Variants in SMG9 observed in about 807,000 individuals in gnomAD.
SMG9 encodes nonsense-mediated mRNA decay factor SMG9.
SMG9 carries 55 observed loss-of-function variants against 64.0 expected under a neutral mutation model. That is an observed-to-expected ratio of 0.86 (90% CI 0.69 to 1.08). The LOEUF is 1.08. Ranked by LOEUF, SMG9 falls within the 50% of genes least tolerant of loss-of-function variation. The pLI, the probability that SMG9 is intolerant of heterozygous loss-of-function variation, is 0.00. For missense variants in SMG9, 554 were observed against 681.3 expected (o/e 0.81, Z 2.08); for synonymous variants, 244 against 254.8 (o/e 0.96, Z 0.41).
rs952429124 is a variant in SMG9 at position 43,729,431 on chromosome 19, C to G, written c.*2165G>C. 6.6e-6 allele frequency: 1 copy of G among 152,364 alleles called. No individual in the cohort carries two copies. Among genetic ancestry groups the G allele is most frequent in the African/African-American group, 2.4e-5 (1 of 41,456 alleles). The allele number at this position is 152,364 out of a possible 1,614,324, so 9.4% of individuals were successfully genotyped here. A position where few individuals can be genotyped will look rare whatever the true frequency, so the allele number is the denominator to read the frequency against. On this transcript the variant is annotated 3_prime_UTR_variant, in exon 14 of 14. Coordinates refer to ENST00000270066, the MANE Select transcript of SMG9 (RefSeq NM_019108.4). ...GTGAATCCAATCAACAATCTCAGCC[C>G]TGAGCTGGGCCAGCAGGAGGTGGTA...
intron 9 of SMG9, among the ~76,000 whole-genome samples, chr19:43,734,982 T>C (rs1021501410): frequency 2.0e-5 from 3 of 152,200 alleles, no homozygotes; most frequent in Non-Finnish European, 2.9e-5. Flanking sequence ...TGTCTGCCAT[T>C]ATAGCATCAC....
At chr19:43,750,147 C>G in intron 2 of SMG9, 1 of 521,490 alleles carries the variant, frequency 1.9e-6, no homozygotes, top group Non-Finnish European at 3.8e-6. Context: ...CAGTGAAATA[C>G]AAAGTTCTTT....
At position 43,733,715 on chromosome 19, in the gene SMG9, G is replaced by A. The variant is rs1968562610; in HGVS notation, c.1121C>T (p.Ala374Val). 6.2e-7 allele frequency: 1 copy of A among 1,614,026 alleles called. No homozygotes were observed. The highest frequency in any genetic ancestry group is 1.7e-5 in the Admixed American group (1 of 59,996). ...CCGAGGACAGAAGTCCTCTCGGCGA[G>A]CTTTGTTCTGCAAGAAGACTGAGGG... The part of the protein sequence containing the change: ...YPHLVFLQNK[A>V]RREDFCPRKL... The change falls in exon 11 of 14, where the codon GCT (alanine) becomes GTT (valine). Residue 374 changes from alanine (A) to valine (V), a missense_variant. Coordinates refer to ENST00000270066, the MANE Select transcript of SMG9 (RefSeq NM_019108.4).
At chr19:43,744,095 C>T (rs548929438) in intron 6 of SMG9, among the ~76,000 whole-genome samples, 2 of 152,302 alleles carry the variant, frequency 1.3e-5, no homozygotes, top group South Asian at 4.1e-4. Context: ...TCTCCCCTCC[C>T]CAAAACCTGC....
intron 6 of SMG9, among the ~76,000 whole-genome samples, chr19:43,740,479 C>T (rs554014379): frequency 6.6e-6 from 1 of 152,202 alleles, no homozygotes; most frequent in East Asian, 1.9e-4. Flanking sequence ...GCAGAGACTC[C>T]GCCAGTCTGC....
intron 6 of SMG9, among the ~76,000 whole-genome samples, chr19:43,743,224 C>A (rs1429838228): frequency 6.6e-6 from 1 of 152,118 alleles, no homozygotes; most frequent in Non-Finnish European, 1.5e-5. Flanking sequence ...TGAACTGAGA[C>A]CCATGGGGAA....
intron 5 of SMG9, among the ~76,000 whole-genome samples, chr19:43,746,110 T>C (rs895435670): frequency 6.6e-6 from 1 of 151,966 alleles, no homozygotes; most frequent in South Asian, 2.1e-4. Context: ...GAGGTGGAGG[T>C]TGCAGTGAGC....
At position 43,754,933 on chromosome 19, in the gene SMG9, G is replaced by T. The variant is rs913060772; in HGVS notation, c.-286C>A. 3.3e-5 allele frequency: 5 copies of T among 152,318 alleles called. No individual in the cohort carries two copies. Among genetic ancestry groups the T allele is most frequent in the Non-Finnish European group, 5.9e-5 (4 of 68,100 alleles). The allele number at this position is 152,318 out of a possible 1,614,324, so 9.4% of individuals were successfully genotyped here. A position where few individuals can be genotyped will look rare whatever the true frequency, so the allele number is the denominator to read the frequency against. On this transcript the variant is annotated 5_prime_UTR_variant, in exon 1 of 14. Transcript: ENST00000270066. ...CCCTCAGGCGACTCGTCCTGCGCAT[G>T]CGCTGAGGGCTGGAGCTCGAGAACT... is the stretch of plus-strand genomic sequence containing the variant.
intron 5 of SMG9, among the ~76,000 whole-genome samples, chr19:43,746,907 G>A (rs553730924): frequency 1.1e-4 from 16 of 150,976 alleles, no homozygotes; most frequent in Admixed American, 4.0e-4. Flanking sequence ...CTGCAGCCTT[G>A]ACCTCCTGGA....
chr19:43,751,552 A>G (rs984271022), intron 1 of SMG9, among the ~76,000 whole-genome samples: 1 of 152,254 alleles, frequency 6.6e-6, no homozygotes, highest in Non-Finnish European at 1.5e-5. Flanking sequence ...AGCTAGGTAC[A>G]TGGCTATCCA....
At chr19:43,738,319 A>T (rs763343963) in intron 7 of SMG9, 102 bp from the exon 8 acceptor site, 129 of 1,033,920 alleles carry the variant, frequency 1.2e-4, no homozygotes, top group Non-Finnish European at 1.7e-4. Flanking sequence ...TCAGAAACAA[A>T]GGCAGGCAAT....
intron 2 of SMG9, among the ~76,000 whole-genome samples, chr19:43,749,250 G>A (rs1599659063): frequency 6.6e-6 from 1 of 152,174 alleles, no homozygotes; most frequent in African/African-American, 2.4e-5. Flanking sequence ...AGAGGAAGCA[G>A]GGGAGAGGCG....
chr19:43,735,614 CAAAAA>C lies in SMG9; in HGVS notation c.996-1124_996-1120del, dbSNP rs889721095. Among the ~76,000 whole-genome samples the C allele has an allele frequency of 1.2e-4, 6 of 51,532 alleles. 1 individual carries two copies. The highest frequency in any genetic ancestry group is 1.5e-4 in the Non-Finnish European group (4 of 26,990). The allele number at this position is 51,532 out of a possible 152,430, so 33.8% of individuals were successfully genotyped here. On this transcript the variant is annotated intron_variant, in intron 9 of 13. Coordinates refer to ENST00000270066, the MANE Select transcript of SMG9 (RefSeq NM_019108.4). The stretch of plus-strand genomic sequence containing the variant: ...TGGGTAACAGAGTGAGACTCTGTCT[CAAAAA>C]AAAAAAAAAAAAAAAAAAAATCTGT...
Position 43,731,118 on chromosome 19 carries a change from G to A in SMG9, c.*478C>T. On this transcript the variant is annotated 3_prime_UTR_variant, in exon 14 of 14. Transcript: ENST00000270066. ...TTTGTCCTGCTTCCCAGAGCTGCAT[G>A]GTGGGTAGAGGAGTAAGTGGAACAT... 8.1e-6 allele frequency: 8 copies of A among 987,020 alleles called. No individual in the cohort carries two copies. The highest frequency in any genetic ancestry group is 9.6e-6 in the Non-Finnish European group (8 of 831,074). 61.1% of individuals were successfully genotyped at this position (987,020 alleles called of 1,614,324 possible). A position where few individuals can be genotyped will look rare whatever the true frequency, so the allele number is the denominator to read the frequency against.
intron 6 of SMG9, among the ~76,000 whole-genome samples, chr19:43,743,036 C>T (rs868536380): frequency 6.6e-6 from 1 of 151,922 alleles, no homozygotes; most frequent in Non-Finnish European, 1.5e-5. Context: ...AATTGTGCCA[C>T]CGCCCTCCAG....
intron 2 of SMG9, chr19:43,748,805 C>G: frequency 1.9e-6 from 1 of 520,166 alleles, no homozygotes; most frequent in South Asian, 1.4e-5. Flanking sequence ...ACTGAGGACA[C>G]TTACTTAAAC....
At chr19:43,738,514 G>C (rs879395179) in intron 7 of SMG9, among the ~76,000 whole-genome samples, 13 of 151,614 alleles carry the variant, frequency 8.6e-5, no homozygotes, top group Non-Finnish European at 1.8e-4. Flanking sequence ...TCATTTTGTT[G>C]TCAGTTGTTT....
rs776177524 is a variant in SMG9, at chr19:43,733,344, C to T, written c.1319G>A (p.Ser440Asn). Residue 440 changes from serine (S) to asparagine (N), a missense_variant, in exon 12 of 14, where the codon AGT becomes AAT. Coordinates refer to ENST00000270066, the MANE Select transcript of SMG9 (RefSeq NM_019108.4). ...TGTACCTGCTCTTGGTGGGTTTTCACTCTCTGCTTCACTGTCCATGAAGGG... is the reference window on the plus strand; with the variant it reads ...TGTACCTGCTCTTGGTGGGTTTTCATTCTCTGCTTCACTGTCCATGAAGGG... ...LVPFMDSEAE[S>N]ENPPRAGPGS... The T allele has an allele frequency of 6.2e-6, 10 of 1,613,918 alleles. No individual in the cohort carries two copies. The highest frequency in any genetic ancestry group is 6.8e-6 in the Non-Finnish European group (8 of 1,180,002).
chr19:43,737,626 C>G lies in SMG9; in HGVS notation c.966G>C (p.Gln322His), dbSNP rs912661830. The G allele has an allele frequency of 1.1e-5, 17 of 1,613,896 alleles. No individual in the cohort carries two copies. The highest frequency in any genetic ancestry group is 5.3e-5 in the African/African-American group (4 of 74,920). The change falls in exon 9 of 14, where the codon CAG becomes CAC. Residue 322 changes from glutamine to histidine, a missense_variant. Physicochemically the swap from Gln to His is conservative, Grantham distance 24 (BLOSUM62 0). Coordinates refer to ENST00000270066, the MANE Select transcript of SMG9 (RefSeq NM_019108.4). ...AGAGACTGAGGTCTGTGAACCAGTC[C>G]TGGACAACAATCACCACATGGCAGA... ...FTVCHVVIVV[Q>H]DWFTDLSLYR...
Sources: allele counts gnomAD v4.1 joint callset (sites outside exome capture counted in the v4.1 genomes callset), GRCh38; gene constraint gnomAD v4.1.1; transcripts MANE v1.5; gene names NCBI Gene and HGNC (gene_info 2026-07-23, HGNC 2026-07-21).